Variants in SNAP91 observed in about 807,000 individuals in gnomAD.
SNAP91 encodes the protein clathrin coat assembly protein AP180.
A neutral mutation model predicts 100.3 loss-of-function variants in SNAP91; 27 were observed. The ratio of observed to expected loss-of-function variants is 0.27; its 90% confidence interval spans 0.20 to 0.37. The LOEUF is 0.37. SNAP91 is among the 10% of genes least tolerant of loss of function. The probability of loss-of-function intolerance (pLI) is 1.00; values close to 1 mark genes in which losing one functional copy is unlikely to be tolerated. For missense variants in SNAP91, 986 were observed against 1,123.7 expected, an observed-to-expected ratio of 0.88 and a Z score of 1.75; for synonymous variants, 404 against 398.6, an observed-to-expected ratio of 1.01 and a Z score of -0.16.
chr6:83,564,094 C>A (rs913059404), intron 26 of SNAP91, among the ~76,000 whole-genome samples: 6 of 151,888 alleles, frequency 4.0e-5, no homozygotes, highest in Non-Finnish European at 8.8e-5. Flanking sequence ...TTCCTGGTTT[C>A]AAAACTTAAT....
At chr6:83,664,309 T>G (rs1463159363) in intron 3 of SNAP91, among the ~76,000 whole-genome samples, 1 of 152,148 alleles carries the variant, frequency 6.6e-6, no homozygotes, top group Admixed American at 6.6e-5. Flanking sequence ...CTACCACAGA[T>G]AGTGATTCCT....
chr6:83,662,475 C>A, intron 3 of SNAP91, 53 bp from the exon 4 acceptor site: 4 of 687,734 alleles, frequency 5.8e-6, no homozygotes, highest in Admixed American at 3.8e-5. Context: ...TACTTTTAAA[C>A]AATTTCTGAC....
chr6:83,594,418 G>A lies in SNAP91; in HGVS notation c.1388C>T (p.Thr463Ile). The change falls in exon 17 of 30, where the codon ACC becomes ATC. Residue 463 changes from threonine to isoleucine, a missense_variant. Coordinates refer to ENST00000369694, the MANE Select transcript of SNAP91 (RefSeq NM_001242792.2). ...AASEGAAAPA[T>I]PTPVAAALDA... ...AAGTGCTGCTGCTACAGGGGTTGGG[G>A]TAGCTGGTGCGGCGGCCCCTTCGGA... 3.2e-6 allele frequency: 5 copies of A among 1,553,422 alleles called. No homozygotes were observed. Among genetic ancestry groups the A allele is most frequent in the Non-Finnish European group, 4.4e-6 (5 of 1,147,798 alleles).
chr6:83,595,888 G>A (rs950729905), intron 16 of SNAP91, among the ~76,000 whole-genome samples: 2 of 152,170 alleles, frequency 1.3e-5, no homozygotes, highest in East Asian at 3.9e-4. Context: ...CAGAGTTCTA[G>A]TTTTATGTGG....
chr6:83,593,868 G>T (rs753144591), intron 17 of SNAP91, 127 bp from the exon 18 acceptor site: 922 of 1,381,272 alleles, frequency 6.7e-4, no homozygotes, highest in Non-Finnish European at 8.2e-4. Flanking sequence ...AGGCTCCTTG[G>T]ATTTAACTAC....
chr6:83,647,199 A>T (rs646523), intron 7 of SNAP91, among the ~76,000 whole-genome samples: 3,067 of 151,726 alleles, frequency 0.02, 100 homozygotes, highest in African/African-American at 0.071. Context: ...TTCTTGTCTT[A>T]CTGCATTAGC....
chr6:83,634,347 G>C (rs1439375084), intron 8 of SNAP91, among the ~76,000 whole-genome samples: 1 of 151,534 alleles, frequency 6.6e-6, no homozygotes, highest in East Asian at 1.9e-4. Context: ...CTGTTATCTA[G>C]GCCTACGGTT....
At chr6:83,684,361 C>A (rs574919768) in intron 2 of SNAP91, among the ~76,000 whole-genome samples, 9 of 152,306 alleles carry the variant, frequency 5.9e-5, no homozygotes, top group Non-Finnish European at 8.8e-5. Flanking sequence ...TCTTCACATA[C>A]AACACACAAC....
rs745777266 is a variant in SNAP91 at position 83,642,091 on chromosome 6, G to A, written c.659-889C>T. On this transcript the variant is annotated intron_variant, in intron 7 of 29. Coordinates refer to ENST00000369694, the MANE Select transcript of SNAP91 (RefSeq NM_001242792.2). ...CTACAGTAGTTCCCAGGCAACTCTG[G>A]TTTATACCTGATGGCCTAGCATCTT... 5.3e-5 allele frequency among the ~76,000 whole-genome samples: 8 copies of A among 152,124 alleles called. No homozygotes were observed. The East Asian group carries it at 7.7e-4, about 15-fold the overall frequency.
intron 26 of SNAP91, among the ~76,000 whole-genome samples, chr6:83,567,174 G>A (rs1797829696): frequency 6.6e-6 from 1 of 152,092 alleles, no homozygotes; most frequent in South Asian, 2.1e-4. Context: ...CTGGCCTCAA[G>A]TGATCCCCCC....
chr6:83,629,018 T>A (rs1169743656), intron 8 of SNAP91, among the ~76,000 whole-genome samples: 3 of 152,228 alleles, frequency 2.0e-5, no homozygotes, highest in Admixed American at 6.5e-5. Context: ...AAGTCCTTAA[T>A]CCATCTTGAG....
chr6:83,583,754 C>T (rs1025294287), intron 22 of SNAP91, among the ~76,000 whole-genome samples: 4 of 152,154 alleles, frequency 2.6e-5, no homozygotes, highest in Non-Finnish European at 5.9e-5. Context: ...CTTAAGTTTA[C>T]GTTCCATAGA....
intron 28 of SNAP91, among the ~76,000 whole-genome samples, chr6:83,556,512 TG>T (rs1305378453): frequency 6.6e-6 from 1 of 152,218 alleles, no homozygotes; most frequent in Non-Finnish European, 1.5e-5. Flanking sequence ...AATTCTGGAC[TG>T]GTAAAATATA....
chr6:83,560,206 A>T lies in SNAP91; in HGVS notation c.2529T>A (p.Pro843=). The T allele has an allele frequency of 6.2e-7, 1 of 1,612,852 alleles. No individual in the cohort carries two copies. The highest frequency in any genetic ancestry group is 8.5e-7 in the Non-Finnish European group (1 of 1,179,016). ...VGQPGAGFGM[P]PAGTGMPMMP... ...TCATGGGCATGCCTGTCCCAGCAGG[A>T]GGCTGAGGAGGAAGAATGGAGAGTG... is the stretch of plus-strand genomic sequence containing the variant. Residue 843 remains proline, a splice_region_variant and synonymous_variant, in exon 28 of 30, where the codon CCT becomes CCA. Transcript: ENST00000369694.
chr6:83,653,207 A>G (rs529806793), intron 7 of SNAP91, among the ~76,000 whole-genome samples: 1 of 151,896 alleles, frequency 6.6e-6, no homozygotes, highest in African/African-American at 2.4e-5. Context: ...CTGGTATTCC[A>G]TTATACATAT....
At chr6:83,650,155 T>G (rs1469422846) in intron 7 of SNAP91, among the ~76,000 whole-genome samples, 1 of 152,204 alleles carries the variant, frequency 6.6e-6, no homozygotes, top group Admixed American at 6.5e-5. Context: ...TAAAAATACA[T>G]AAATGAAAAA....
chr6:83,607,871 G>T, intron 12 of SNAP91, 63 bp from the exon 13 acceptor site: 1 of 959,918 alleles, frequency 1.0e-6, no homozygotes, highest in South Asian at 2.2e-5. Context: ...CAGGGCAGCA[G>T]GACTTTTCTT....
chr6:83,555,929 A>G (rs1777213484), intron 29 of SNAP91, among the ~76,000 whole-genome samples: 1 of 152,128 alleles, frequency 6.6e-6, no homozygotes, highest in South Asian at 2.1e-4. Flanking sequence ...GGATAAGGAC[A>G]ATTTGGAGGT....
At chr6:83,611,299 C>T (rs943915488) in intron 11 of SNAP91, 3 of 311,990 alleles carry the variant, frequency 9.6e-6, no homozygotes, top group African/African-American at 4.6e-5. Flanking sequence ...AGGAAAAAAA[C>T]AGCAACTTCG....
Sources: allele counts gnomAD v4.1 joint callset (sites outside exome capture counted in the v4.1 genomes callset), GRCh38; gene constraint gnomAD v4.1.1; transcripts MANE v1.5; gene names NCBI Gene and HGNC (gene_info 2026-07-23, HGNC 2026-07-21).